PAPOLG: variants seen among roughly 807,000 people sequenced by gnomAD.
The protein encoded by PAPOLG is PAP-gamma.
Under a neutral mutation model 99.0 loss-of-function variants are expected in PAPOLG, and 40 were observed. The ratio of observed to expected loss-of-function variants is 0.40; its 90% CI spans 0.31 to 0.53. The LOEUF (loss-of-function observed/expected upper bound fraction) is 0.53. Among genes scored for constraint, PAPOLG ranks in the 20% least tolerant of loss-of-function variants. The pLI is 0.41. For missense variants in PAPOLG, 675 were observed against 884.1 expected (o/e 0.76, Z 3.00); for synonymous variants, 310 against 299.3 (o/e 1.04, Z -0.37).
At chr2:60,790,011 T>A (rs1671482437) in intron 15 of PAPOLG, among the ~76,000 whole-genome samples, 1 of 152,166 alleles carries the variant, frequency 6.6e-6, no homozygotes, top group South Asian at 2.1e-4. Context: ...GGAGAATCGC[T>A]TGAACCTGGG....
intron 1 of PAPOLG, among the ~76,000 whole-genome samples, chr2:60,758,556 T>G (rs538604026): frequency 6.6e-6 from 1 of 151,592 alleles, no homozygotes; most frequent in East Asian, 1.9e-4. Flanking sequence ...GCCTCCCGAG[T>G]AGCCGGGATT....
intron 8 of PAPOLG, among the ~76,000 whole-genome samples, chr2:60,778,692 G>T (rs1260648378): frequency 6.6e-6 from 1 of 152,130 alleles, no homozygotes; most frequent in African/African-American, 2.4e-5. Context: ...GACAGTGCAG[G>T]TCTAAAAAGA....
rs1034651991 is a variant in PAPOLG, at chr2:60,756,282, C to T, written c.-197C>T. 2.0e-5 allele frequency: 13 copies of T among 647,054 alleles called. No homozygotes were observed. The highest frequency in any genetic ancestry group is 1.9e-4 in the African/African-American group (10 of 52,486). The allele number at this position is 647,054 out of a possible 1,614,324, so 40.1% of individuals were successfully genotyped here. On this transcript the variant is annotated 5_prime_UTR_variant, in exon 1 of 22. Coordinates refer to ENST00000238714, the MANE Select transcript of PAPOLG (RefSeq NM_022894.4). The stretch of plus-strand genomic sequence containing the variant: ...AGCGGCGCCATATTGGCGTCGGCCG[C>T]GCTGTATTGTCATAAATAGAGCCGG...
intron 9 of PAPOLG, 51 bp from the exon 10 acceptor site, chr2:60,780,656 T>G (rs1671160807): frequency 6.5e-7 from 1 of 1,540,366 alleles, no homozygotes; most frequent in South Asian, 1.1e-5. Context: ...AAGTTTCATG[T>G]AGTACCTGAA....
In PAPOLG at chr2:60,794,183, G is replaced by T. The variant is rs769413114; in HGVS notation, c.1981G>T (p.Val661Leu). 5 of 1,611,388 alleles carry T rather than the reference G, an allele frequency of 3.1e-6. No individual in the cohort carries two copies. The highest frequency in any genetic ancestry group is 4.2e-6 in the Non-Finnish European group (5 of 1,177,974). The change falls in exon 19 of 22, where the codon GTA becomes TTA. Residue 661 changes from valine to leucine, a missense_variant. By Grantham distance (32) the Val-to-Leu change is conservative. This residue lies in a region of PAPOLG where 413 missense variants were observed against 460.5 expected (regional missense o/e 0.90). Coordinates refer to ENST00000238714, the MANE Select transcript of PAPOLG (RefSeq NM_022894.4). Reference sequence around the variant, plus strand: ...TGGGACTCCTAAGAGGTTGAAAGACGTAGAAAAGGTAAAGTTACAACTTTA... The same window carrying T: ...TGGGACTCCTAAGAGGTTGAAAGACTTAGAAAAGGTAAAGTTACAACTTTA... The part of the protein sequence containing the change: ...IDGTPKRLKD[V>L]EKFIRLESTF...
chr2:60,787,522 T>C lies in PAPOLG; in HGVS notation c.1298T>C (p.Val433Ala), dbSNP rs1240329643. Residue 433 changes from valine (V) to alanine (A), a missense_variant, in exon 15 of 22, where the codon GTA (valine) becomes GCA (alanine). Coordinates refer to ENST00000238714, the MANE Select transcript of PAPOLG (RefSeq NM_022894.4). Reference protein sequence around the residue: ...NKEHHKDNNYVSMWFLGIIFR... With the variant: ...NKEHHKDNNYASMWFLGIIFR... Reference sequence around the variant, plus strand: ...ATTTTACTTTATAGCAACAATTACGTATCAATGTGGTTCCTTGGGATAATT... The same window carrying C: ...ATTTTACTTTATAGCAACAATTACGCATCAATGTGGTTCCTTGGGATAATT... 1 of 1,613,058 alleles carries C rather than the reference T, an allele frequency of 6.2e-7. No individual in the cohort carries two copies. Among genetic ancestry groups the C allele is most frequent in the African/African-American group, 1.3e-5 (1 of 74,902 alleles).
At chr2:60,776,870 A>G (rs1671036539) in intron 8 of PAPOLG, among the ~76,000 whole-genome samples, 1 of 152,214 alleles carries the variant, frequency 6.6e-6, no homozygotes, top group Non-Finnish European at 1.5e-5. Flanking sequence ...TTTCATCTAC[A>G]TTGATAATTT....
Position 60,795,217 on chromosome 2 carries a change from A to G in PAPOLG, c.2112+197A>G, listed in dbSNP as rs1019439350. ...AATGTATGTACCTCAAAAGTCTAAA[A>G]AAGAGGCAGTAGTTTAAGACAACTT... is the stretch of plus-strand genomic sequence containing the variant. On this transcript the variant is annotated intron_variant, in intron 21 of 21. Transcript: ENST00000238714. 7 of 662,280 alleles carry G rather than the reference A, an allele frequency of 1.1e-5. No homozygotes were observed. The African/African-American group carries it at 1.1e-4, about 10-fold the overall frequency. The allele number at this position is 662,280 out of a possible 1,614,324, so 41.0% of individuals were successfully genotyped here. A position where few individuals can be genotyped will look rare whatever the true frequency, so the allele number is the denominator to read the frequency against.
chr2:60,779,558 C>T, intron 8 of PAPOLG, 79 bp from the exon 9 acceptor site: 1 of 1,448,578 alleles, frequency 6.9e-7, no homozygotes, highest in Non-Finnish European at 9.4e-7. Flanking sequence ...TATTCATTCA[C>T]CTTGTAAAGA....
rs538898944 is a variant in PAPOLG, at chr2:60,801,064, A to C, written c.*3904A>C. ...TAACAGGGTCAAACTTTAGTTCAAC[A>C]AATTTCAACCCAATATTATCACAGT... On this transcript the variant is annotated 3_prime_UTR_variant, in exon 22 of 22. Coordinates refer to ENST00000238714, the MANE Select transcript of PAPOLG (RefSeq NM_022894.4). 1.4e-4 allele frequency: 22 copies of C among 152,488 alleles called. No individual in the cohort carries two copies. In the South Asian group the frequency reaches 4.6e-3, roughly 32 times the overall value. 9.4% of individuals were successfully genotyped at this position (152,488 alleles called of 1,614,324 possible).
At chr2:60,780,574 C>A in intron 9 of PAPOLG, 133 bp from the exon 10 acceptor site, 2 of 868,786 alleles carry the variant, frequency 2.3e-6, no homozygotes. Flanking sequence ...CCATGCTCGG[C>A]CTTTTTTTCC....
At chr2:60,791,419 G>A (rs1295383171) in intron 15 of PAPOLG, 1 of 165,636 alleles carries the variant, frequency 6.0e-6, no homozygotes, top group Admixed American at 6.1e-5. Context: ...GGACGTGGTG[G>A]CGCATGCCTG....
rs116687156 is a variant in PAPOLG, at chr2:60,760,405, A to G, written c.179+110A>G. On this transcript the variant is annotated intron_variant, in intron 2 of 21. Transcript: ENST00000238714. ...CTAGATACAGGTGCAGAAATGACAA[A>G]AAGAAAAATCTTGGCCCTCTTGGAG... 1.5e-3 allele frequency: 1,649 copies of G among 1,089,050 alleles called. 21 individuals are homozygous for G. The African/African-American group carries it at 0.024, about 16-fold the overall frequency. The allele number at this position is 1,089,050 out of a possible 1,614,324, so 67.5% of individuals were successfully genotyped here.
In PAPOLG at chr2:60,760,297, T is replaced by TATGTC; in HGVS notation, c.179+5_179+9dup. ...AGATGAGGAAGAATTGAACCACAGG[T>TATGTC]ATGTCATTGAAAACCATAAAATATT... On this transcript the variant is annotated splice_region_variant and intron_variant, in intron 2 of 21. Coordinates refer to ENST00000238714, the MANE Select transcript of PAPOLG (RefSeq NM_022894.4). 1 of 1,607,454 alleles carries TATGTC rather than the reference T, an allele frequency of 6.2e-7. No homozygotes were observed. The highest frequency in any genetic ancestry group is 1.1e-5 in the South Asian group (1 of 90,684).
intron 21 of PAPOLG, among the ~76,000 whole-genome samples, chr2:60,796,768 T>G (rs1164377122): frequency 2.0e-5 from 3 of 152,142 alleles, no homozygotes; most frequent in African/African-American, 2.4e-5. Context: ...CTTTATGCAT[T>G]TCTTGATCCA....
rs753774982 is a variant in PAPOLG, at chr2:60,792,292, C to T, written c.1679+3C>T. On this transcript the variant is annotated splice_donor_region_variant and intron_variant, in intron 17 of 21. Coordinates refer to ENST00000238714, the MANE Select transcript of PAPOLG (RefSeq NM_022894.4). Reference sequence around the variant, plus strand: ...CCTTCTGTAGGAGAAACAGAAAGGTCTGTCTTTATTTCAAATGTGTCCTTT... The same window carrying T: ...CCTTCTGTAGGAGAAACAGAAAGGTTTGTCTTTATTTCAAATGTGTCCTTT... 2.5e-6 allele frequency: 4 copies of T among 1,592,426 alleles called. No homozygotes were observed. The highest frequency in any genetic ancestry group is 3.4e-6 in the Non-Finnish European group (4 of 1,172,050).
In PAPOLG at chr2:60,770,635, T is replaced by TA. The variant is rs112377548; in HGVS notation, c.492+126dup. ...ATCAAGTAATCTCTTTTTTTTTTTTTAATGAAGAGATGGGGTCTAACTCTA... is the reference window on the plus strand; with the variant it reads ...ATCAAGTAATCTCTTTTTTTTTTTTTAAATGAAGAGATGGGGTCTAACTCTA... On this transcript the variant is annotated intron_variant, in intron 6 of 21. Transcript: ENST00000238714. The TA allele has an allele frequency of 6.6e-3, 3,517 of 534,226 alleles. 1 individual carries two copies. Among genetic ancestry groups the TA allele is most frequent in the Middle Eastern group, 0.012 (24 of 1,948 alleles). The allele number at this position is 534,226 out of a possible 1,614,324, so 33.1% of individuals were successfully genotyped here.
At chr2:60,795,093 C>G in intron 21 of PAPOLG, 73 bp downstream of exon 21, 1 of 1,294,808 alleles carries the variant, frequency 7.7e-7, no homozygotes, top group Non-Finnish European at 1.1e-6. Context: ...GTACAAAAGG[C>G]TTATTAAGAG....
intron 13 of PAPOLG, among the ~76,000 whole-genome samples, chr2:60,785,044 A>G (rs1046233162): frequency 1.3e-5 from 2 of 152,220 alleles, no homozygotes; most frequent in Non-Finnish European, 2.9e-5. Context: ...CATCGGTCAC[A>G]TTTCTTAAGT....
Sources: allele counts gnomAD v4.1 joint callset (sites outside exome capture counted in the v4.1 genomes callset), GRCh38; gene constraint gnomAD v4.1.1; regional missense constraint gnomAD v4.1.1; transcripts MANE v1.5; gene names NCBI Gene and HGNC (gene_info 2026-07-23, HGNC 2026-07-21).